The following PRR11 variants were observed in gnomAD, a reference collection of about 807,000 sequenced individuals.
The protein encoded by PRR11 is proline-rich protein 11.
PRR11 carries 30 observed loss-of-function variants against 45.6 expected under a neutral mutation model. That is an observed-to-expected ratio of 0.66 (90% CI 0.49 to 0.89). PRR11 has a LOEUF of 0.89. Among genes scored for constraint, PRR11 ranks in the 40% least tolerant of loss-of-function variants. PRR11 has a pLI of 0.00. For missense variants in PRR11, 373 were observed against 424.8 expected (o/e 0.88, Z 1.07); for synonymous variants, 128 against 153.5 (o/e 0.83, Z 1.23).
chr17:59,170,940 C>T (rs1647531317), intron 2 of PRR11, among the ~76,000 whole-genome samples: 1 of 152,168 alleles, frequency 6.6e-6, no homozygotes, highest in Admixed American at 6.5e-5. Context: ...CAGCTCATGT[C>T]CTCCTTTAAA....
chr17:59,201,664 A>G lies in PRR11; in HGVS notation c.*33A>G, dbSNP rs1205169199. 3.3e-5 allele frequency: 53 copies of G among 1,604,704 alleles called. No individual in the cohort carries two copies. The highest frequency in any genetic ancestry group is 4.2e-5 in the Non-Finnish European group (49 of 1,172,224). On this transcript the variant is annotated 3_prime_UTR_variant, in exon 10 of 10. Transcript: ENST00000262293. ...TCTGCCTCACTCCATGAGATGATCC[A>G]TAACAAATACAGATAAAAACACCCA...
chr17:59,204,231 C>G lies in PRR11; in HGVS notation c.*2600C>G, dbSNP rs1368772801. 1 of 150,958 alleles carries G rather than the reference C, an allele frequency of 6.6e-6. No homozygotes were observed. Among genetic ancestry groups the G allele is most frequent in the Admixed American group, 6.6e-5 (1 of 15,108 alleles). 9.4% of individuals were successfully genotyped at this position (150,958 alleles called of 1,614,324 possible). ...CAACATGATGAAAACTCCGTCTCTACCAAAAATCAAAAAAATTAGCCAGGT... is the reference window on the plus strand; with the variant it reads ...CAACATGATGAAAACTCCGTCTCTAGCAAAAATCAAAAAAATTAGCCAGGT... On this transcript the variant is annotated 3_prime_UTR_variant, in exon 10 of 10. Transcript: ENST00000262293.
intron 4 of PRR11, among the ~76,000 whole-genome samples, chr17:59,192,506 C>T (rs376971744): frequency 6.6e-6 from 1 of 152,170 alleles, no homozygotes; most frequent in African/African-American, 2.4e-5. Flanking sequence ...GCTTATACAA[C>T]AGAAATTTAC....
intron 9 of PRR11, among the ~76,000 whole-genome samples, chr17:59,199,760 A>T (rs2046883703): frequency 6.6e-6 from 1 of 152,192 alleles, no homozygotes; most frequent in Non-Finnish European, 1.5e-5. Flanking sequence ...TCCGTGTTTG[A>T]GAATCAGTGC....
intron 1 of PRR11, chr17:59,161,007 TGCTGGGGATTACAGCACTTTGAACCACC>T (rs1344653578): frequency 6.6e-6 from 1 of 152,074 alleles, no homozygotes; most frequent in East Asian, 1.9e-4. Context: ...CCTCCCAAAG[TGCTGGGGATTACAGCACTTTGAACCACC>T]GCCCTTTGCC....
At chr17:59,196,198 T>G (rs150716780) in intron 7 of PRR11, among the ~76,000 whole-genome samples, 3 of 152,186 alleles carry the variant, frequency 2.0e-5, no homozygotes, top group African/African-American at 7.2e-5. Flanking sequence ...AATGACACTT[T>G]AAGTTAATTT....
At chr17:59,171,897 A>G (rs2147838712) in intron 2 of PRR11, among the ~76,000 whole-genome samples, 1 of 152,222 alleles carries the variant, frequency 6.6e-6, no homozygotes, top group Non-Finnish European at 1.5e-5. Context: ...AAAACATTTA[A>G]AGATAAAAGA....
chr17:59,163,994 G>A (rs2046666834), intron 1 of PRR11, among the ~76,000 whole-genome samples: 1 of 152,122 alleles, frequency 6.6e-6, no homozygotes. Flanking sequence ...GAACTTGGGG[G>A]GTGGGCGGAG....
At chr17:59,166,891 C>T (rs2046682571) in intron 1 of PRR11, among the ~76,000 whole-genome samples, 1 of 151,684 alleles carries the variant, frequency 6.6e-6, no homozygotes, top group South Asian at 2.1e-4. Context: ...GGACCGGGCG[C>T]GGTGGCTTAT....
intron 2 of PRR11, among the ~76,000 whole-genome samples, chr17:59,180,505 T>TG (rs1555716476): frequency 8.1e-6 from 1 of 124,218 alleles, no homozygotes; most frequent in African/African-American, 3.3e-5. Context: ...TGTTTTTTTT[T>TG]TTTTGTTTTT....
chr17:59,186,381 A>ATTTTT lies in PRR11; in HGVS notation c.402+848_402+852dup, dbSNP rs59082405. Among the ~76,000 whole-genome samples, 746 of 84,582 alleles carry ATTTTT rather than the reference A, an allele frequency of 8.8e-3. 62 individuals carry two copies. Among genetic ancestry groups the ATTTTT allele is most frequent in the African/African-American group, 0.024 (555 of 23,388 alleles). 55.5% of individuals were successfully genotyped at this position (84,582 alleles called of 152,430 possible). On this transcript the variant is annotated intron_variant, in intron 4 of 9. Transcript: ENST00000262293. ...AAAAAAATTTTGCCAGCTGTTTGTAATTTTTTTTTTTTTTTTTTTTTTTTT... is the reference window on the plus strand; with the variant it reads ...AAAAAAATTTTGCCAGCTGTTTGTAATTTTTTTTTTTTTTTTTTTTTTTTTTTTTT...
intron 7 of PRR11, among the ~76,000 whole-genome samples, chr17:59,196,282 G>A (rs564173936): frequency 1.2e-3 from 181 of 152,182 alleles, no homozygotes; most frequent in Non-Finnish European, 2.0e-3. Flanking sequence ...TACACAGACA[G>A]ATACACACAT....
rs147393491 is a variant in PRR11, at chr17:59,200,707, T to C, written c.1015-856T>C. 4.9e-4 allele frequency among the ~76,000 whole-genome samples: 75 copies of C among 152,238 alleles called. 3 individuals are homozygous for C. The East Asian group carries it at 0.014, about 28-fold the overall frequency. On this transcript the variant is annotated intron_variant, in intron 9 of 9. Transcript: ENST00000262293. ...CAGGGTTTCACCGTGTTAGCCAGGA[T>C]GGTCTCGATCTCCTGACCTTGTGAT... is the stretch of plus-strand genomic sequence containing the variant.
chr17:59,171,922 G>A (rs1488654276), intron 2 of PRR11, among the ~76,000 whole-genome samples: 1 of 151,894 alleles, frequency 6.6e-6, no homozygotes, highest in Non-Finnish European at 1.5e-5. Context: ...GGATAAAAAG[G>A]ATTCTCTGTT....
At chr17:59,178,451 G>C in intron 2 of PRR11, 1 of 506,772 alleles carries the variant, frequency 2.0e-6, no homozygotes, top group Non-Finnish European at 3.9e-6. Context: ...CAGGAACACG[G>C]TTCCGTGGAG....
intron 2 of PRR11, chr17:59,175,148 G>A: frequency 1.8e-6 from 1 of 541,926 alleles, no homozygotes. Context: ...AAATCAGGTT[G>A]CCGCTCAGGG....
intron 9 of PRR11, among the ~76,000 whole-genome samples, chr17:59,199,390 ATGG>A (rs989309707): frequency 6.6e-6 from 1 of 152,188 alleles, no homozygotes; most frequent in Non-Finnish European, 1.5e-5. Flanking sequence ...AGGGAGCCCA[ATGG>A]TGGTGAAAGA....
chr17:59,165,194 G>C (rs976764667), intron 1 of PRR11, among the ~76,000 whole-genome samples: 1 of 151,526 alleles, frequency 6.6e-6, no homozygotes, highest in African/African-American at 2.4e-5. Context: ...CTAATTTTTT[G>C]TATTTTTAGT....
At chr17:59,172,736 G>T (rs903176506) in intron 2 of PRR11, among the ~76,000 whole-genome samples, 1 of 152,232 alleles carries the variant, frequency 6.6e-6, no homozygotes, top group Non-Finnish European at 1.5e-5. Context: ...TCGATTTCTC[G>T]CCGGGCCTCA....
Sources: allele counts gnomAD v4.1 joint callset (sites outside exome capture counted in the v4.1 genomes callset), GRCh38; gene constraint gnomAD v4.1.1; transcripts MANE v1.5; gene names NCBI Gene and HGNC (gene_info 2026-07-23, HGNC 2026-07-21).